STAG1: variants seen among roughly 807,000 people sequenced by gnomAD.
STAG1 encodes STAG1 cohesin complex component, also known as cohesin subunit SA-1.
STAG1 carries 26 observed loss-of-function variants against 170.9 expected under a neutral mutation model. That is an observed-to-expected ratio of 0.15 (90% CI 0.11 to 0.21). STAG1 has a LOEUF of 0.21. Among genes scored for constraint, STAG1 ranks in the 10% least tolerant of loss-of-function variants. The pLI is 1.00. For synonymous variants in STAG1, 514 were observed against 497.7 expected, an observed-to-expected ratio of 1.03 and a Z score of -0.44; for missense variants, 964 against 1,509.5, an observed-to-expected ratio of 0.64 and a Z score of 5.99.
At chr3:136,720,969 G>A (rs766134561) in intron 1 of STAG1, among the ~76,000 whole-genome samples, 15 of 152,128 alleles carry the variant, frequency 9.9e-5, no homozygotes, top group Admixed American at 2.6e-4. Flanking sequence ...TACAAGTGAC[G>A]CAGAGAGGTA....
chr3:136,528,340 G>C (rs1020776511), intron 6 of STAG1, among the ~76,000 whole-genome samples: 1 of 152,098 alleles, frequency 6.6e-6, no homozygotes, highest in African/African-American at 2.4e-5. Flanking sequence ...TGCTGTGCTA[G>C]CAGTGAGTGA....
intron 6 of STAG1, among the ~76,000 whole-genome samples, chr3:136,522,192 T>C (rs1399355543): frequency 6.6e-6 from 1 of 152,180 alleles, no homozygotes; most frequent in African/African-American, 2.4e-5. Flanking sequence ...TTTTTGTCCT[T>C]TCTAGAACAA....
At chr3:136,479,041 G>A (rs866135962) in intron 9 of STAG1, among the ~76,000 whole-genome samples, 1 of 141,336 alleles carries the variant, frequency 7.1e-6, no homozygotes, top group Non-Finnish European at 1.6e-5. Context: ...TCCATTAAAT[G>A]TTGGCTATTA....
rs968303600 is a variant in STAG1 at position 136,432,520 on chromosome 3, G to C, written c.1650+1036C>G. Among the ~76,000 whole-genome samples, 10 of 144,878 alleles carry C rather than the reference G, an allele frequency of 6.9e-5. No homozygotes were observed. In the East Asian group the frequency reaches 1.9e-3, roughly 27 times the overall value. On this transcript the variant is annotated intron_variant, in intron 16 of 33. Coordinates refer to ENST00000383202, the MANE Select transcript of STAG1 (RefSeq NM_005862.3). ...TTTTTGTTTTCTTTTTTTTTGGGGGGGGGGGGGCACAGAGTCTTGCTCTGT... is the reference window on the plus strand; with the variant it reads ...TTTTTGTTTTCTTTTTTTTTGGGGGCGGGGGGGCACAGAGTCTTGCTCTGT...
At chr3:136,656,055 T>C (rs1576722285) in intron 1 of STAG1, among the ~76,000 whole-genome samples, 1 of 149,806 alleles carries the variant, frequency 6.7e-6, no homozygotes, top group Non-Finnish European at 1.5e-5. Context: ...CAATGTGGTA[T>C]ACACAAACAA....
In STAG1 at chr3:136,417,912, T is replaced by C; in HGVS notation, c.2169A>G (p.Gly723=). 6.2e-7 allele frequency: 1 copy of C among 1,613,990 alleles called. No individual in the cohort carries two copies. Among genetic ancestry groups the C allele is most frequent in the Non-Finnish European group, 8.5e-7 (1 of 1,179,858 alleles). The change falls in exon 21 of 34, where the codon GGA becomes GGG. Residue 723 remains glycine (G), a synonymous_variant. Coordinates refer to ENST00000383202, the MANE Select transcript of STAG1 (RefSeq NM_005862.3). ...FGNCYRLLKT[G]IEHGAMPEQI... ...GTTCTGGCATGGCTCCATGTTCAATTCCAGTCTTCAATAATCTGTAGCAAT... is the reference window on the plus strand; with the variant it reads ...GTTCTGGCATGGCTCCATGTTCAATCCCAGTCTTCAATAATCTGTAGCAAT...
intron 16 of STAG1, among the ~76,000 whole-genome samples, chr3:136,425,772 T>A (rs533995939): frequency 6.7e-6 from 1 of 149,742 alleles, no homozygotes; most frequent in East Asian, 1.9e-4. Flanking sequence ...AAGAAGAAGA[T>A]ATGTGAAAAG....
intron 9 of STAG1, among the ~76,000 whole-genome samples, chr3:136,498,123 C>T (rs1397644306): frequency 4.9e-5 from 7 of 142,720 alleles, no homozygotes; most frequent in African/African-American, 1.6e-4. Flanking sequence ...ACCCGGGAGG[C>T]GGAGGTTGCA....
intron 1 of STAG1, among the ~76,000 whole-genome samples, chr3:136,745,152 T>C (rs571164299): frequency 4.9e-4 from 75 of 152,336 alleles, no homozygotes; most frequent in Non-Finnish European, 3.2e-4. Context: ...TTAAAAGCCA[T>C]TGCTATTATG....
At chr3:136,531,380 T>C (rs1559863277) in intron 6 of STAG1, among the ~76,000 whole-genome samples, 1 of 151,070 alleles carries the variant, frequency 6.6e-6, no homozygotes, top group Non-Finnish European at 1.5e-5. Context: ...GAACTGGAAA[T>C]ACCATTTGAC....
intron 3 of STAG1, among the ~76,000 whole-genome samples, chr3:136,620,274 G>T (rs1939786989): frequency 6.6e-6 from 1 of 152,050 alleles, no homozygotes; most frequent in Admixed American, 6.5e-5. Context: ...GCTAAACAAA[G>T]AATGCTATCA....
At chr3:136,403,512 A>G (rs2087396907) in intron 21 of STAG1, among the ~76,000 whole-genome samples, 1 of 152,114 alleles carries the variant, frequency 6.6e-6, no homozygotes, top group Admixed American at 6.6e-5. Flanking sequence ...GGTAAATTCT[A>G]AATTATAATA....
At chr3:136,662,366 G>C (rs1478268442) in intron 1 of STAG1, among the ~76,000 whole-genome samples, 2 of 151,992 alleles carry the variant, frequency 1.3e-5, no homozygotes, top group African/African-American at 4.8e-5. Context: ...TGGCCAGGTT[G>C]GTCTCAAACT....
At chr3:136,585,711 A>G (rs1937782853) in intron 4 of STAG1, among the ~76,000 whole-genome samples, 1 of 152,162 alleles carries the variant, frequency 6.6e-6, no homozygotes, top group Admixed American at 6.6e-5. Context: ...CTGACTCCAG[A>G]TTAAGAAATC....
intron 1 of STAG1, among the ~76,000 whole-genome samples, chr3:136,640,198 A>G (rs1263479264): frequency 2.6e-5 from 4 of 152,236 alleles, no homozygotes; most frequent in Non-Finnish European, 5.9e-5. Flanking sequence ...AACAAGTTGT[A>G]GTGGTTCATT....
Position 136,489,056 on chromosome 3 carries a change from A to G in STAG1, c.902+11167T>C, listed in dbSNP as rs150739713. Among the ~76,000 whole-genome samples the G allele has an allele frequency of 2.6e-5, 4 of 152,356 alleles. No individual in the cohort carries two copies. The East Asian group carries it at 7.7e-4, about 29-fold the overall frequency. ...GACAGACTAATTTTTACAACATCCT[A>G]GCATTCAGGCCTTGAAATTAAAAAC... On this transcript the variant is annotated intron_variant, in intron 9 of 33. Coordinates refer to ENST00000383202, the MANE Select transcript of STAG1 (RefSeq NM_005862.3).
intron 9 of STAG1, among the ~76,000 whole-genome samples, chr3:136,484,363 G>C (rs1486698730): frequency 1.4e-5 from 2 of 146,860 alleles, no homozygotes; most frequent in Admixed American, 6.8e-5. Context: ...TGCCCCTGCT[G>C]TGGGGTGTCT....
intron 25 of STAG1, among the ~76,000 whole-genome samples, chr3:136,364,114 A>C (rs925657541): frequency 6.7e-6 from 1 of 150,030 alleles, no homozygotes; most frequent in Non-Finnish European, 1.5e-5. Context: ...ATGAAGTCTC[A>C]CTCTGTTGCC....
At chr3:136,446,516 A>C (rs902576656) in intron 14 of STAG1, among the ~76,000 whole-genome samples, 1 of 151,098 alleles carries the variant, frequency 6.6e-6, no homozygotes, top group Non-Finnish European at 1.5e-5. Flanking sequence ...TCCGCCTCCC[A>C]GGTTCAAGCG....
Sources: allele counts gnomAD v4.1 joint callset (sites outside exome capture counted in the v4.1 genomes callset), GRCh38; gene constraint gnomAD v4.1.1; transcripts MANE v1.5; gene names NCBI Gene and HGNC (gene_info 2026-07-23, HGNC 2026-07-21).